Variants in NELL2 observed in about 807,000 individuals in gnomAD.
NELL2 encodes the protein neural EGFL like 2.
Under a neutral mutation model 109.6 loss-of-function variants are expected in NELL2, and 41 were observed. The observed-to-expected ratio is 0.37, with a 90% CI of 0.29 to 0.49. The LOEUF (loss-of-function observed/expected upper bound fraction) is 0.49, where lower values mean the gene tolerates loss of function less well. Among genes scored for constraint, NELL2 ranks in the 20% least tolerant of loss-of-function variants. NELL2 has a pLI of 0.98. For synonymous variants in NELL2, 355 were observed against 344.7 expected, an observed-to-expected ratio of 1.03 and a Z score of -0.33; for missense variants, 900 against 1,008.3, an observed-to-expected ratio of 0.89 and a Z score of 1.45.
intron 10 of NELL2, among the ~76,000 whole-genome samples, chr12:44,712,977 T>C (rs1002796865): frequency 5.3e-5 from 8 of 151,792 alleles, no homozygotes; most frequent in African/African-American, 1.7e-4. Context: ...TTTGAGCAAA[T>C]AAAAGGTAAC....
chr12:44,536,607 T>C (rs923118359), intron 15 of NELL2, among the ~76,000 whole-genome samples: 1 of 152,062 alleles, frequency 6.6e-6, no homozygotes, highest in African/African-American at 2.4e-5. Context: ...TAATATAGGC[T>C]GTATAAGCTT....
chr12:44,588,207 A>C (rs10506250), intron 15 of NELL2, among the ~76,000 whole-genome samples: 2 of 151,634 alleles, frequency 1.3e-5, no homozygotes, highest in South Asian at 2.1e-4. Flanking sequence ...ATTTTGAATC[A>C]TTGTGCTTGA....
chr12:44,712,846 G>T (rs1049469787), intron 10 of NELL2, among the ~76,000 whole-genome samples: 1 of 151,808 alleles, frequency 6.6e-6, no homozygotes, highest in Admixed American at 6.6e-5. Context: ...TTGAAATGAT[G>T]ATATTTTGGA....
intron 13 of NELL2, among the ~76,000 whole-genome samples, chr12:44,626,718 G>C (rs1946279617): frequency 6.6e-6 from 1 of 151,982 alleles, no homozygotes; most frequent in Non-Finnish European, 1.5e-5. Flanking sequence ...TTGATGATAT[G>C]AAGAAATTGA....
At chr12:44,656,772 T>C (rs1221103626) in intron 13 of NELL2, among the ~76,000 whole-genome samples, 1 of 152,234 alleles carries the variant, frequency 6.6e-6, no homozygotes, top group Non-Finnish European at 1.5e-5. Context: ...GTAATTATTA[T>C]GGTACATGCA....
chr12:44,574,604 C>CA (rs374370065), intron 15 of NELL2, among the ~76,000 whole-genome samples: 24 of 148,060 alleles, frequency 1.6e-4, no homozygotes, highest in East Asian at 5.9e-4. Context: ...AGTGATAAAG[C>CA]AAAAAAAAAG....
At chr12:44,616,477 G>GT (rs1945826551) in intron 13 of NELL2, among the ~76,000 whole-genome samples, 1 of 152,006 alleles carries the variant, frequency 6.6e-6, no homozygotes, top group Admixed American at 6.6e-5. Context: ...ACCTCTAGTC[G>GT]TAACTATCAT....
At chr12:44,645,171 T>C (rs1484233620) in intron 13 of NELL2, among the ~76,000 whole-genome samples, 1 of 151,920 alleles carries the variant, frequency 6.6e-6, no homozygotes, top group African/African-American at 2.4e-5. Flanking sequence ...AGACATCAAG[T>C]GGAATGAGAC....
At position 44,522,923 on chromosome 12, in the gene NELL2, C is replaced by T. The variant is rs1216569629; in HGVS notation, c.1998+368G>A. On this transcript the variant is annotated intron_variant, in intron 17 of 19. Transcript: ENST00000429094. Reference sequence around the variant, plus strand: ...TATATCCATACAATGAAATATTATTCGGTATTAAAAAGAAATGGATTAGAG... The same window carrying T: ...TATATCCATACAATGAAATATTATTTGGTATTAAAAAGAAATGGATTAGAG... 5 of 198,540 alleles carry T rather than the reference C, an allele frequency of 2.5e-5. No individual in the cohort carries two copies. In the East Asian group the frequency reaches 3.9e-4, roughly 16 times the overall value. The allele number at this position is 198,540 out of a possible 1,614,324, so 12.3% of individuals were successfully genotyped here. A position where few individuals can be genotyped will look rare whatever the true frequency, so the allele number is the denominator to read the frequency against.
intron 3 of NELL2, among the ~76,000 whole-genome samples, chr12:44,802,490 G>A (rs377051361): frequency 6.6e-6 from 1 of 151,934 alleles, no homozygotes; most frequent in African/African-American, 2.4e-5. Context: ...TGATATATCA[G>A]TTCAATACGT....
intron 9 of NELL2, among the ~76,000 whole-genome samples, chr12:44,763,893 G>A (rs970330541): frequency 6.6e-6 from 1 of 151,888 alleles, no homozygotes; most frequent in Non-Finnish European, 1.5e-5. Context: ...AGACTTCATC[G>A]TATTTGGAGT....
chr12:44,709,116 C>A (rs996595884), intron 11 of NELL2, among the ~76,000 whole-genome samples: 2 of 152,124 alleles, frequency 1.3e-5, no homozygotes, highest in Non-Finnish European at 2.9e-5. Context: ...TTCTGTATAG[C>A]CCTTGGACAC....
chr12:44,746,348 G>T (rs574491027), intron 9 of NELL2, among the ~76,000 whole-genome samples: 3 of 152,064 alleles, frequency 2.0e-5, no homozygotes, highest in Non-Finnish European at 4.4e-5. Flanking sequence ...AAAAACCCTA[G>T]AAGAAAACCT....
chr12:44,717,921 G>T lies in NELL2; in HGVS notation c.995-3180C>A, dbSNP rs75242243. On this transcript the variant is annotated intron_variant, in intron 9 of 19. Transcript: ENST00000429094. ...AGGCTCCTGGGGGACAGAGGACAAA[G>T]AATGGAAATGGGAGTGTTGGGTGCC... 1.4e-3 allele frequency among the ~76,000 whole-genome samples: 220 copies of T among 152,268 alleles called. 3 individuals are homozygous for T. In the East Asian group the frequency reaches 0.027, roughly 18 times the overall value.
intron 1 of NELL2, among the ~76,000 whole-genome samples, chr12:44,912,514 T>G (rs1441337034): frequency 6.6e-6 from 1 of 152,120 alleles, no homozygotes; most frequent in Non-Finnish European, 1.5e-5. Context: ...AATCTTTTTT[T>G]AAAGGAGAAA....
At chr12:44,712,042 A>G (rs1938232104) in intron 10 of NELL2, among the ~76,000 whole-genome samples, 1 of 152,190 alleles carries the variant, frequency 6.6e-6, no homozygotes, top group South Asian at 2.1e-4. Context: ...GAGAAACCAA[A>G]ATACAAAATA....
chr12:44,661,244 A>T (rs1333072189), intron 13 of NELL2, among the ~76,000 whole-genome samples: 1 of 152,226 alleles, frequency 6.6e-6, no homozygotes, highest in African/African-American at 2.4e-5. Flanking sequence ...AAAGGGGGGC[A>T]AGATGTTGGA....
At chr12:44,848,947 C>A (rs1944453381) in intron 2 of NELL2, among the ~76,000 whole-genome samples, 1 of 152,136 alleles carries the variant, frequency 6.6e-6, no homozygotes, top group Non-Finnish European at 1.5e-5. Flanking sequence ...CAGTACCCCT[C>A]ATAATCTCAT....
intron 12 of NELL2, among the ~76,000 whole-genome samples, chr12:44,686,384 T>C (rs535772095): frequency 7.2e-5 from 11 of 152,318 alleles, no homozygotes; most frequent in African/African-American, 2.6e-4. Flanking sequence ...CTCGGAGTAA[T>C]TTGATCGTCT....
Sources: gnomAD v4.1 joint callset for allele counts (sites outside exome capture counted in the v4.1 genomes callset) on GRCh38, gnomAD v4.1.1 for gene constraint, MANE v1.5 for transcripts, NCBI Gene and HGNC (gene_info 2026-07-23, HGNC 2026-07-21) for gene names.